Variants in ZNF804A observed in about 807,000 individuals in gnomAD.
ZNF804A encodes the protein zinc finger protein 804A.
A neutral mutation model predicts 16.5 loss-of-function variants in ZNF804A; 2 were observed. That is an observed-to-expected ratio of 0.12 (90% CI 0.05 to 0.38). The LOEUF is 0.38. Ranked by LOEUF, ZNF804A falls within the 10% of genes least tolerant of loss-of-function variation. The pLI is 0.99. For missense variants in ZNF804A, 1,473 were observed against 1,390.7 expected (o/e 1.06, Z -0.94); for synonymous variants, 534 against 489.6 (o/e 1.09, Z -1.20).
intron 1 of ZNF804A, among the ~76,000 whole-genome samples, chr2:184,635,968 A>G (rs1300150982): frequency 3.3e-5 from 5 of 152,180 alleles, no homozygotes; most frequent in Non-Finnish European, 5.9e-5. Context: ...ATTTGAAAAT[A>G]CTGGAATTCT....
At position 184,626,160 on chromosome 2, in the gene ZNF804A, G is replaced by A. The variant is rs998525361; in HGVS notation, c.111+27090G>A. On this transcript the variant is annotated intron_variant, in intron 1 of 3. Transcript: ENST00000302277. ...TGGGATTACAGGCATGAGCCACCGC[G>A]CCCGGCCCGGATTTCTTAATATATA... Among the ~76,000 whole-genome samples, 8 of 152,156 alleles carry A rather than the reference G, an allele frequency of 5.3e-5. No individual in the cohort carries two copies. In the East Asian group the frequency reaches 1.4e-3, roughly 26 times the overall value.
intron 1 of ZNF804A, among the ~76,000 whole-genome samples, chr2:184,656,586 A>G (rs1211050595): frequency 6.6e-6 from 1 of 152,122 alleles, no homozygotes; most frequent in Admixed American, 6.6e-5. Context: ...AAGTTAAGGC[A>G]GAATGTTGTA....
intron 1 of ZNF804A, among the ~76,000 whole-genome samples, chr2:184,773,845 G>A (rs1207581235): frequency 1.3e-5 from 2 of 151,858 alleles, no homozygotes; most frequent in Non-Finnish European, 1.5e-5. Flanking sequence ...GGTCTAGCAA[G>A]CTAGTATCAA....
intron 1 of ZNF804A, among the ~76,000 whole-genome samples, chr2:184,650,539 A>G (rs1173811610): frequency 6.6e-6 from 1 of 152,114 alleles, no homozygotes; most frequent in African/African-American, 2.4e-5. Context: ...CACGGATGAT[A>G]TAATTTTATA....
intron 1 of ZNF804A, among the ~76,000 whole-genome samples, chr2:184,789,011 A>G (rs1694491265): frequency 6.6e-6 from 1 of 151,798 alleles, no homozygotes; most frequent in African/African-American, 2.4e-5. Context: ...AATATATTCT[A>G]TTTATGTCCT....
At chr2:184,802,838 A>G (rs896470382) in intron 1 of ZNF804A, among the ~76,000 whole-genome samples, 3 of 152,182 alleles carry the variant, frequency 2.0e-5, no homozygotes, top group Admixed American at 6.5e-5. Flanking sequence ...ATATCACCCA[A>G]TTAGGAGTCA....
chr2:184,795,519 AAAAAAGAAC>A (rs1694617744), intron 1 of ZNF804A, among the ~76,000 whole-genome samples: 1 of 152,130 alleles, frequency 6.6e-6, no homozygotes, highest in African/African-American at 2.4e-5. Flanking sequence ...GAACTAGAGA[AAAAAAGAAC>A]AAATCAAACC....
chr2:184,777,441 G>T (rs1443204891), intron 1 of ZNF804A, among the ~76,000 whole-genome samples: 2 of 151,208 alleles, frequency 1.3e-5, no homozygotes, highest in African/African-American at 4.8e-5. Context: ...CTTCCCTATT[G>T]GTTTACATGA....
chr2:184,738,155 C>A (rs947449846), intron 1 of ZNF804A, among the ~76,000 whole-genome samples: 2 of 148,808 alleles, frequency 1.3e-5, no homozygotes, highest in Non-Finnish European at 3.0e-5. Context: ...AATATCAGAT[C>A]TAAGGAGAAA....
At chr2:184,679,323 G>A (rs903388671) in intron 1 of ZNF804A, among the ~76,000 whole-genome samples, 16 of 152,194 alleles carry the variant, frequency 1.1e-4, no homozygotes, top group South Asian at 4.1e-4. Context: ...CGATGGCAGC[G>A]GGGACCCATT....
chr2:184,865,043 T>C lies in ZNF804A; in HGVS notation c.112-1326T>C, dbSNP rs565368700. ...TACAGGTGCCTGCCACCATGCCTGG[T>C]TAATTTTTATATTTTTAGTAGAGAC... On this transcript the variant is annotated intron_variant, in intron 1 of 3. Coordinates refer to ENST00000302277, the MANE Select transcript of ZNF804A (RefSeq NM_194250.2). Among the ~76,000 whole-genome samples the C allele has an allele frequency of 4.0e-5, 6 of 151,528 alleles. No homozygotes were observed. The South Asian group carries it at 1.2e-3, about 32-fold the overall frequency.
chr2:184,687,593 A>G (rs955763842), intron 1 of ZNF804A, among the ~76,000 whole-genome samples: 3 of 152,226 alleles, frequency 2.0e-5, no homozygotes, highest in African/African-American at 7.2e-5. Context: ...TCAGTAGATT[A>G]GACATTACTG....
chr2:184,648,028 A>G (rs1199001882), intron 1 of ZNF804A, among the ~76,000 whole-genome samples: 2 of 152,202 alleles, frequency 1.3e-5, no homozygotes, highest in African/African-American at 2.4e-5. Flanking sequence ...TCAAGCTAAC[A>G]GCAGAATTCT....
chr2:184,749,756 T>C (rs1375605046), intron 1 of ZNF804A, among the ~76,000 whole-genome samples: 2 of 151,302 alleles, frequency 1.3e-5, no homozygotes, highest in African/African-American at 4.8e-5. Flanking sequence ...ATGGCATTTC[T>C]TGTGGTTAAT....
intron 1 of ZNF804A, among the ~76,000 whole-genome samples, chr2:184,692,215 G>A (rs544131644): frequency 6.6e-6 from 1 of 152,290 alleles, no homozygotes; most frequent in African/African-American, 2.4e-5. Flanking sequence ...GCAGGGCAGA[G>A]CAGTTAATAG....
intron 1 of ZNF804A, among the ~76,000 whole-genome samples, chr2:184,653,122 T>A (rs1443689222): frequency 2.0e-5 from 3 of 152,160 alleles, no homozygotes; most frequent in African/African-American, 7.2e-5. Context: ...CTTCTCTGAT[T>A]CTTTCTACTT....
At chr2:184,820,942 C>T (rs1316367824) in intron 1 of ZNF804A, among the ~76,000 whole-genome samples, 2 of 151,936 alleles carry the variant, frequency 1.3e-5, no homozygotes, top group Non-Finnish European at 2.9e-5. Context: ...GGAAGACATT[C>T]GATGCTCATG....
chr2:184,608,691 C>A (rs556661119), intron 1 of ZNF804A, among the ~76,000 whole-genome samples: 1 of 152,252 alleles, frequency 6.6e-6, no homozygotes, highest in African/African-American at 2.4e-5. Context: ...TTGAGAGCTG[C>A]TTTTTCCTTT....
intron 1 of ZNF804A, among the ~76,000 whole-genome samples, chr2:184,636,445 G>GT (rs1371228927): frequency 7.3e-6 from 1 of 137,490 alleles, no homozygotes; most frequent in Non-Finnish European, 1.6e-5. Context: ...GTGTGTGTGT[G>GT]TGTGTGTGAG....
Sources: allele counts gnomAD v4.1 joint callset (sites outside exome capture counted in the v4.1 genomes callset), GRCh38; gene constraint gnomAD v4.1.1; transcripts MANE v1.5; gene names NCBI Gene and HGNC (gene_info 2026-07-23, HGNC 2026-07-21).